The following SP4 variants were observed in gnomAD, a reference collection of about 807,000 sequenced individuals.
The protein encoded by SP4 is transcription factor Sp4.
In SP4, 19 loss-of-function variants were observed where a neutral mutation model predicts 72.8. The observed-to-expected ratio is 0.26, with a 90% confidence interval of 0.18 to 0.38. SP4 has a LOEUF of 0.38. SP4 is among the 10% of genes least tolerant of loss of function. The probability of loss-of-function intolerance (pLI) is 1.00; values close to 1 mark genes in which losing one functional copy is unlikely to be tolerated. For synonymous variants in SP4, 395 were observed against 333.1 expected (o/e 1.19, Z -2.02); for missense variants, 1,008 against 926.3 (o/e 1.09, Z -1.14).
chr7:21,475,588 C>G (rs549924252), intron 3 of SP4, among the ~76,000 whole-genome samples: 4 of 151,738 alleles, frequency 2.6e-5, no homozygotes, highest in African/African-American at 9.7e-5. Flanking sequence ...TCCTGAGTAG[C>G]GAGTAGCTGG....
chr7:21,431,745 T>C (rs1182826755), intron 3 of SP4, among the ~76,000 whole-genome samples: 1 of 152,230 alleles, frequency 6.6e-6, no homozygotes, highest in African/African-American at 2.4e-5. Flanking sequence ...ACCCTTTTCA[T>C]TGATTCTGAT....
intron 3 of SP4, chr7:21,471,197 T>G: frequency 1.9e-6 from 1 of 518,062 alleles, no homozygotes; most frequent in Non-Finnish European, 4.0e-6. Flanking sequence ...AAGAACTTTA[T>G]GTACTATGCT....
At chr7:21,506,129 C>T (rs767403578) in intron 5 of SP4, among the ~76,000 whole-genome samples, 57 of 152,258 alleles carry the variant, frequency 3.7e-4, no homozygotes, top group South Asian at 1.7e-3. Flanking sequence ...TGTTTTGCTC[C>T]TGATGTAATT....
intron 3 of SP4, among the ~76,000 whole-genome samples, chr7:21,442,035 TGTA>T (rs1167380576): frequency 0.074 from 2,848 of 38,690 alleles, 171 homozygotes; most frequent in East Asian, 0.33. Context: ...TGTGTGTGTG[TGTA>T]TTTTTTTTTT....
intron 3 of SP4, among the ~76,000 whole-genome samples, chr7:21,442,259 T>C (rs900797950): frequency 9.2e-5 from 14 of 151,972 alleles, no homozygotes; most frequent in Non-Finnish European, 1.3e-4. Flanking sequence ...AGGCTGGTCT[T>C]GAACTCCTGA....
Position 21,430,187 on chromosome 7 carries a change from C to T in SP4, c.1022C>T (p.Ser341Leu). 2 of 1,614,200 alleles carry T rather than the reference C, an allele frequency of 1.2e-6. No homozygotes were observed. Among genetic ancestry groups the T allele is most frequent in the Non-Finnish European group, 1.7e-6 (2 of 1,180,034 alleles). ...ACAAGCAGTGACACATTAGTGAGCT[C>T]AGCAGATACTGGCCAGTATGCAAGC... ...SLTSSDTLVS[S>L]ADTGQYASTS... Residue 341 changes from serine to leucine, a missense_variant, in exon 3 of 6, where the codon TCA becomes TTA. By Grantham distance (145) the Ser-to-Leu change is moderately radical. Around this residue, in one of 3 missense-constraint regions of SP4, gnomAD observed 893 missense variants for 743.3 expected, o/e 1.20. Coordinates refer to ENST00000222584, the MANE Select transcript of SP4 (RefSeq NM_003112.5).
At chr7:21,486,822 C>G (rs1784827871) in intron 5 of SP4, among the ~76,000 whole-genome samples, 1 of 152,160 alleles carries the variant, frequency 6.6e-6, no homozygotes, top group Non-Finnish European at 1.5e-5. Flanking sequence ...GAGAACTAAG[C>G]TTCACCTCCT....
At position 21,428,679 on chromosome 7, in the gene SP4, C is replaced by A; in HGVS notation, c.10C>A (p.Gln4Lys). The stretch of plus-strand genomic sequence containing the variant: ...TGTGGTGGGGGGGTTTGTTGCAGAT[C>A]AGAAGAAGGAGGAGGAGGAGGAGGC... MSD[Q>K]KKEEEEEAAA... Residue 4 changes from glutamine (Q) to lysine (K), a missense_variant and splice_region_variant, in exon 2 of 6, where the codon CAG (glutamine) becomes AAG (lysine). This residue lies in a region of SP4 where 893 missense variants were observed against 743.3 expected (regional missense o/e 1.20). Transcript: ENST00000222584. 1 of 1,548,188 alleles carries A rather than the reference C, an allele frequency of 6.5e-7. No individual in the cohort carries two copies. Among genetic ancestry groups the A allele is most frequent in the South Asian group, 1.2e-5 (1 of 84,016 alleles).
chr7:21,439,016 G>A (rs1562587005), intron 3 of SP4, among the ~76,000 whole-genome samples: 1 of 152,056 alleles, frequency 6.6e-6, no homozygotes, highest in African/African-American at 2.4e-5. Flanking sequence ...CTTTATCACA[G>A]GTATGTATGT....
At position 21,428,233 on chromosome 7, in the gene SP4, T is replaced by C. The variant is rs751502100; in HGVS notation, c.-19T>C. On this transcript the variant is annotated 5_prime_UTR_variant, in exon 1 of 6. Coordinates refer to ENST00000222584, the MANE Select transcript of SP4 (RefSeq NM_003112.5). The stretch of plus-strand genomic sequence containing the variant: ...CTATCCCAGTGTCTCCGTCTGAGGG[T>C]TTGTCCTGTTAATGCGGGATGAGCG... 1.0e-5 allele frequency: 12 copies of C among 1,157,390 alleles called. No individual in the cohort carries two copies. The East Asian group carries it at 3.3e-4, about 31-fold the overall frequency. 71.7% of individuals were successfully genotyped at this position (1,157,390 alleles called of 1,614,324 possible).
At chr7:21,510,735 C>G (rs1227714092) in intron 5 of SP4, among the ~76,000 whole-genome samples, 1 of 152,138 alleles carries the variant, frequency 6.6e-6, no homozygotes, top group African/African-American at 2.4e-5. Flanking sequence ...AACCCTCTTG[C>G]TTTGTAGATG....
intron 3 of SP4, among the ~76,000 whole-genome samples, chr7:21,475,764 G>T (rs1463566052): frequency 2.0e-5 from 3 of 152,180 alleles, no homozygotes; most frequent in African/African-American, 7.2e-5. Flanking sequence ...GAACTCAGCA[G>T]AGATGAATTG....
rs182468032 is a variant in SP4, at chr7:21,490,008, C to T, written c.2107+7885C>T. ...TATGTGAAACATCAAAACTGTTGCC[C>T]TTTGTGTCCACTGTTGGCCAGAATG... On this transcript the variant is annotated intron_variant, in intron 5 of 5. Transcript: ENST00000222584. 4.6e-5 allele frequency among the ~76,000 whole-genome samples: 7 copies of T among 152,306 alleles called. No individual in the cohort carries two copies. In the East Asian group the frequency reaches 1.4e-3, roughly 29 times the overall value.
intron 3 of SP4, among the ~76,000 whole-genome samples, chr7:21,452,560 A>G (rs1783633472): frequency 6.6e-6 from 1 of 152,312 alleles, no homozygotes; most frequent in East Asian, 1.9e-4. Flanking sequence ...TTATAAGTCA[A>G]TTTTGATTCT....
chr7:21,467,408 A>G (rs768273070), intron 3 of SP4, among the ~76,000 whole-genome samples: 6 of 152,158 alleles, frequency 3.9e-5, no homozygotes, highest in East Asian at 1.9e-4. Context: ...TGTATATTCA[A>G]TGGCTTTTGG....
At chr7:21,460,843 GAC>G (rs1166949749) in intron 3 of SP4, among the ~76,000 whole-genome samples, 1 of 152,170 alleles carries the variant, frequency 6.6e-6, no homozygotes, top group African/African-American at 2.4e-5. Context: ...CCTTGAGCTA[GAC>G]ACAGAGTGCT....
At chr7:21,474,284 G>A (rs756525060) in intron 3 of SP4, among the ~76,000 whole-genome samples, 19 of 152,080 alleles carry the variant, frequency 1.2e-4, no homozygotes, top group Admixed American at 5.9e-4. Context: ...TTATATAAAT[G>A]TTATGAGAAA....
At chr7:21,475,400 C>T (rs985579365) in intron 3 of SP4, among the ~76,000 whole-genome samples, 19 of 152,114 alleles carry the variant, frequency 1.2e-4, no homozygotes, top group African/African-American at 4.6e-4. Context: ...AGGCCTGAGC[C>T]ACCACGCCTG....
chr7:21,491,083 A>G (rs1164733636), intron 5 of SP4, among the ~76,000 whole-genome samples: 3 of 152,222 alleles, frequency 2.0e-5, no homozygotes, highest in Non-Finnish European at 2.9e-5. Context: ...ACAGATGTCA[A>G]GATGATCTAG....
Sources: gnomAD v4.1 joint callset for allele counts (sites outside exome capture counted in the v4.1 genomes callset) on GRCh38, gnomAD v4.1.1 for gene constraint, gnomAD v4.1.1 regional missense constraint, MANE v1.5 for transcripts, NCBI Gene and HGNC (gene_info 2026-07-23, HGNC 2026-07-21) for gene names.